Variants in TCF12 observed in about 807,000 individuals in gnomAD.
TCF12 encodes the protein transcription factor 12.
TCF12 carries 45 observed loss-of-function variants against 86.0 expected under a neutral mutation model. That is an observed-to-expected ratio of 0.52 (90% confidence interval 0.41 to 0.67). TCF12 has a LOEUF of 0.67. Among genes scored for constraint, TCF12 ranks in the 30% least tolerant of loss-of-function variants. TCF12 has a pLI of 0.00. For synonymous variants in TCF12, 330 were observed against 299.6 expected (o/e 1.10, Z -1.05); for missense variants, 881 against 859.9 (o/e 1.02, Z -0.31).
At chr15:56,932,860 A>T (rs968136741) in intron 3 of TCF12, among the ~76,000 whole-genome samples, 1 of 152,146 alleles carries the variant, frequency 6.6e-6, no homozygotes, top group Non-Finnish European at 1.5e-5. Flanking sequence ...ATTTATTTTT[A>T]TTAAGGAGAA....
At chr15:56,927,957 G>T (rs1315387216) in intron 3 of TCF12, among the ~76,000 whole-genome samples, 1 of 152,192 alleles carries the variant, frequency 6.6e-6, no homozygotes, top group Non-Finnish European at 1.5e-5. Flanking sequence ...GGTGACTGGA[G>T]GGAATTCCTG....
intron 3 of TCF12, among the ~76,000 whole-genome samples, chr15:57,015,038 C>G (rs2065071475): frequency 6.6e-6 from 1 of 152,016 alleles, no homozygotes; most frequent in African/African-American, 2.4e-5. Context: ...ACCTGTAATT[C>G]CAGCACTTTG....
intron 11 of TCF12, 146 bp from the exon 12 acceptor site, chr15:57,233,897 A>G (rs2059274115): frequency 4.8e-6 from 3 of 621,558 alleles, no homozygotes; most frequent in East Asian, 5.8e-5. Flanking sequence ...TAGTTTATTA[A>G]TAAGTACAAC....
At chr15:56,980,015 A>G (rs1216658748) in intron 3 of TCF12, among the ~76,000 whole-genome samples, 8 of 152,172 alleles carry the variant, frequency 5.3e-5, no homozygotes, top group African/African-American at 1.9e-4. Flanking sequence ...TTATAGATTT[A>G]TATCCTCATA....
intron 3 of TCF12, among the ~76,000 whole-genome samples, chr15:56,997,834 A>G (rs1242429183): frequency 2.6e-5 from 4 of 152,218 alleles, no homozygotes; most frequent in South Asian, 2.1e-4. Context: ...TACTTTAAAT[A>G]TGGTATAGGT....
At chr15:57,171,523 G>A (rs2055500236) in intron 6 of TCF12, among the ~76,000 whole-genome samples, 1 of 152,130 alleles carries the variant, frequency 6.6e-6, no homozygotes, top group Non-Finnish European at 1.5e-5. Context: ...TTCTTCAACA[G>A]AATTCCCCAA....
At chr15:56,993,042 T>G (rs138194305) in intron 3 of TCF12, among the ~76,000 whole-genome samples, 1 of 152,114 alleles carries the variant, frequency 6.6e-6, no homozygotes, top group Non-Finnish European at 1.5e-5. Context: ...AGGTGGGATA[T>G]GAATGAAGAC....
At chr15:57,095,016 C>T (rs749029166) in intron 5 of TCF12, among the ~76,000 whole-genome samples, 1 of 152,150 alleles carries the variant, frequency 6.6e-6, no homozygotes, top group Non-Finnish European at 1.5e-5. Context: ...TTTATATATT[C>T]ATGTATATAT....
At chr15:57,143,806 A>G (rs2053166082) in intron 5 of TCF12, among the ~76,000 whole-genome samples, 1 of 152,190 alleles carries the variant, frequency 6.6e-6, no homozygotes, top group Non-Finnish European at 1.5e-5. Flanking sequence ...ATGGTAAGCA[A>G]ATGACTTTTT....
chr15:57,086,243 T>TAATAATAATAATAATAATAA (rs2048622379), intron 4 of TCF12, among the ~76,000 whole-genome samples: 1 of 70,168 alleles, frequency 1.4e-5, no homozygotes, highest in South Asian at 5.1e-4. Context: ...AATAATAATA[T>TAATAATAATAATAATAATAA]AATGACTAGT....
intron 3 of TCF12, among the ~76,000 whole-genome samples, chr15:57,005,790 G>A (rs1225108881): frequency 3.3e-5 from 5 of 151,928 alleles, no homozygotes; most frequent in African/African-American, 9.7e-5. Flanking sequence ...GGCTGGTCTC[G>A]AACTCCTGAC....
chr15:57,048,219 T>C (rs1324521459), intron 3 of TCF12, among the ~76,000 whole-genome samples: 1 of 152,176 alleles, frequency 6.6e-6, no homozygotes, highest in African/African-American at 2.4e-5. Flanking sequence ...CCAGCACTCA[T>C]ATTCCTCCCC....
intron 3 of TCF12, among the ~76,000 whole-genome samples, chr15:56,930,899 T>G (rs76723823): frequency 0.013 from 1,960 of 152,270 alleles, 47 homozygotes; most frequent in African/African-American, 0.041. Flanking sequence ...ATTTTCCTAG[T>G]TCCTGTGTGG....
At chr15:57,249,723 A>G (rs977668495) in intron 13 of TCF12, among the ~76,000 whole-genome samples, 3 of 152,184 alleles carry the variant, frequency 2.0e-5, no homozygotes, top group African/African-American at 7.2e-5. Flanking sequence ...TTGACCTGCA[A>G]TAAAAGGTTC....
intron 7 of TCF12, among the ~76,000 whole-genome samples, chr15:57,197,185 TCTCTC>T (rs1431941142): frequency 8.1e-6 from 1 of 123,268 alleles, no homozygotes. Context: ...AGACAGAGGT[TCTCTC>T]TTGTTACCCA....
chr15:57,001,950 A>C (rs2064065100), intron 3 of TCF12, among the ~76,000 whole-genome samples: 1 of 152,224 alleles, frequency 6.6e-6, no homozygotes, highest in Non-Finnish European at 1.5e-5. Flanking sequence ...AACTGTCCGG[A>C]TTGAAGGAGA....
chr15:57,230,661 C>G (rs1466294341), intron 8 of TCF12, among the ~76,000 whole-genome samples: 1 of 151,936 alleles, frequency 6.6e-6, no homozygotes, highest in East Asian at 1.9e-4. Context: ...TGTGTTGTGC[C>G]TTTGATAGTT....
chr15:57,271,141 G>A (rs1410998254), intron 18 of TCF12, among the ~76,000 whole-genome samples: 2 of 152,220 alleles, frequency 1.3e-5, no homozygotes, highest in African/African-American at 4.8e-5. Flanking sequence ...GAAACTGTCT[G>A]CTGCCTTTTG....
chr15:57,267,828 A>C (rs1033201056), intron 18 of TCF12, among the ~76,000 whole-genome samples: 5 of 152,230 alleles, frequency 3.3e-5, no homozygotes, highest in Admixed American at 2.6e-4. Flanking sequence ...GTTCCATTAC[A>C]TACTTGCCGA....
Sources: allele counts gnomAD v4.1 joint callset (sites outside exome capture counted in the v4.1 genomes callset), GRCh38; gene constraint gnomAD v4.1.1; transcripts MANE v1.5; gene names NCBI Gene and HGNC (gene_info 2026-07-23, HGNC 2026-07-21).